PARD3B: variants seen among roughly 807,000 people sequenced by gnomAD.
PARD3B encodes the protein par-3 family cell polarity regulator beta.
PARD3B carries 103 observed loss-of-function variants against 130.2 expected under a neutral mutation model. The ratio of observed to expected loss-of-function variants is 0.79; its 90% confidence interval spans 0.67 to 0.93. The LOEUF is 0.93. Ranked by LOEUF, PARD3B falls within the 40% of genes least tolerant of loss-of-function variation. PARD3B has a pLI of 0.00. For missense variants in PARD3B, 1,609 were observed against 1,499.2 expected (o/e 1.07, Z -1.21); for synonymous variants, 583 against 553.2 (o/e 1.05, Z -0.76).
rs150020421 is a variant in PARD3B, at chr2:205,324,449, C to G, written c.2630+22748C>G. Among the ~76,000 whole-genome samples, 595 of 152,070 alleles carry G rather than the reference C, an allele frequency of 3.9e-3. 4 individuals carry two copies. Among genetic ancestry groups the G allele is most frequent in the African/African-American group, 0.013 (557 of 41,476 alleles). ...AAAAACAAGGATGTCCTATTTGATG[C>G]AAATTACTGTTCAAGAAAGTAACTG... On this transcript the variant is annotated intron_variant, in intron 18 of 22. Transcript: ENST00000406610.
intron 1 of PARD3B, among the ~76,000 whole-genome samples, chr2:204,643,354 A>C (rs937024574): frequency 6.6e-6 from 1 of 152,002 alleles, no homozygotes; most frequent in Non-Finnish European, 1.5e-5. Context: ...ATTGCCTTCC[A>C]GGGAGTCTGT....
chr2:204,828,287 T>C (rs17433949), intron 2 of PARD3B, among the ~76,000 whole-genome samples: 12,616 of 152,220 alleles, frequency 0.083, 659 homozygotes, highest in African/African-American at 0.14. Flanking sequence ...CTTCTACTTC[T>C]GTAAAATTTG....
Position 205,160,929 on chromosome 2 carries a change from C to T in PARD3B, c.1620+2022C>T, listed in dbSNP as rs1267750606. Among the ~76,000 whole-genome samples the T allele has an allele frequency of 1.3e-5, 2 of 152,110 alleles. No individual in the cohort carries two copies. Among genetic ancestry groups the T allele is most frequent in the Admixed American group, 6.5e-5 (1 of 15,276 alleles). On this transcript the variant is annotated intron_variant, in intron 11 of 22. Coordinates refer to ENST00000406610, the MANE Select transcript of PARD3B (RefSeq NM_001302769.2). This position sits in a 1 kb window ranked among gnomAD's most constrained non-coding sequence, Gnocchi z 4.0. ...TGAAATGAAGCTCTTCCATATGATC[C>T]ATTCATGTTCCTAGAGAGCAGGGCC...
intron 4 of PARD3B, among the ~76,000 whole-genome samples, chr2:205,072,483 T>C (rs966356846): frequency 3.9e-5 from 6 of 152,072 alleles, no homozygotes; most frequent in Non-Finnish European, 7.4e-5. Flanking sequence ...ACTCCTGACC[T>C]TGGGTGATCT....
At chr2:205,223,846 A>T (rs993063073) in intron 15 of PARD3B, among the ~76,000 whole-genome samples, 1 of 152,164 alleles carries the variant, frequency 6.6e-6, no homozygotes, top group African/African-American at 2.4e-5. Context: ...GTTTTGATAC[A>T]GGTGTACAAT....
intron 18 of PARD3B, among the ~76,000 whole-genome samples, chr2:205,373,423 T>C (rs1328613883): frequency 6.6e-6 from 1 of 151,650 alleles, no homozygotes; most frequent in Non-Finnish European, 1.5e-5. Context: ...CAATGGATTA[T>C]GGGTTTTTTT....
chr2:204,614,795 C>T (rs1348263702), intron 1 of PARD3B, among the ~76,000 whole-genome samples: 4 of 152,094 alleles, frequency 2.6e-5, no homozygotes, highest in Non-Finnish European at 4.4e-5. Context: ...CTCCTCCTCC[C>T]GCTTCACCTT....
At chr2:205,597,366 T>C (rs1289847597) in intron 22 of PARD3B, among the ~76,000 whole-genome samples, 1 of 152,238 alleles carries the variant, frequency 6.6e-6, no homozygotes, top group Non-Finnish European at 1.5e-5. Flanking sequence ...TAGTTCTTTT[T>C]TTATGGCTGC....
intron 19 of PARD3B, among the ~76,000 whole-genome samples, chr2:205,408,311 A>G (rs1288527505): frequency 6.6e-6 from 1 of 152,206 alleles, no homozygotes; most frequent in Non-Finnish European, 1.5e-5. Context: ...TTAGAGATAT[A>G]AAAACATTCA....
chr2:204,781,223 T>C (rs1002439965), intron 2 of PARD3B, among the ~76,000 whole-genome samples: 6 of 152,150 alleles, frequency 3.9e-5, no homozygotes, highest in Non-Finnish European at 8.8e-5. Flanking sequence ...GTGACAAAAA[T>C]TTTAATCTGC....
intron 1 of PARD3B, among the ~76,000 whole-genome samples, chr2:204,680,571 T>C (rs1217397328): frequency 1.3e-5 from 2 of 152,094 alleles, no homozygotes; most frequent in Non-Finnish European, 1.5e-5. Flanking sequence ...CTTCACTGTG[T>C]CTTTGGATTT....
intron 18 of PARD3B, among the ~76,000 whole-genome samples, chr2:205,326,995 A>G (rs1210659764): frequency 6.6e-6 from 1 of 152,168 alleles, no homozygotes; most frequent in Non-Finnish European, 1.5e-5. Context: ...CTGACACCAA[A>G]TAGTTCTGTA....
intron 1 of PARD3B, among the ~76,000 whole-genome samples, chr2:204,624,790 G>A (rs1303618044): frequency 6.6e-6 from 1 of 152,126 alleles, no homozygotes; most frequent in Non-Finnish European, 1.5e-5. Flanking sequence ...TGTATCTTTA[G>A]TTATTTGGTA....
intron 15 of PARD3B, among the ~76,000 whole-genome samples, chr2:205,195,603 A>T (rs1224824472): frequency 6.6e-6 from 1 of 152,210 alleles, no homozygotes; most frequent in African/African-American, 2.4e-5. Flanking sequence ...AGAGGAATAG[A>T]CTATTCGTTT....
chr2:205,009,143 CT>C (rs1375458489), intron 3 of PARD3B, among the ~76,000 whole-genome samples: 1 of 152,068 alleles, frequency 6.6e-6, no homozygotes, highest in Non-Finnish European at 1.5e-5. Context: ...TGCTTTGTAA[CT>C]TTTTAAGGAA....
intron 18 of PARD3B, among the ~76,000 whole-genome samples, chr2:205,379,436 T>C (rs749426290): frequency 2.0e-5 from 3 of 152,104 alleles, no homozygotes; most frequent in Non-Finnish European, 4.4e-5. Flanking sequence ...GTACCCATGT[T>C]CCATGATTAT....
At chr2:204,820,071 C>CTTTTTTTTTTTTTTTTTTTTT (rs557143420) in intron 2 of PARD3B, among the ~76,000 whole-genome samples, 1 of 98,428 alleles carries the variant, frequency 1.0e-5, no homozygotes, top group Non-Finnish European at 1.8e-5. Flanking sequence ...AAACAATAGA[C>CTTTTTTTTTTTTTTTTTTTTT]TTTTTTTTTT....
At chr2:204,686,338 C>A in intron 2 of PARD3B, 56 bp downstream of exon 2, 2 of 1,263,300 alleles carry the variant, frequency 1.6e-6, no homozygotes, top group Non-Finnish European at 1.2e-6. Context: ...TGCATGTTTT[C>A]AAGAGACTGA....
intron 16 of PARD3B, among the ~76,000 whole-genome samples, chr2:205,286,471 C>G (rs546991782): frequency 6.6e-6 from 1 of 152,140 alleles, no homozygotes; most frequent in Non-Finnish European, 1.5e-5. Context: ...CCTTTCAATT[C>G]CAAGTCCCCA....
Sources: allele counts gnomAD v4.1 joint callset (sites outside exome capture counted in the v4.1 genomes callset), GRCh38; gene constraint gnomAD v4.1.1; non-coding constraint Gnocchi (gnomAD v3.1); transcripts MANE v1.5; gene names NCBI Gene and HGNC (gene_info 2026-07-23, HGNC 2026-07-21).